The following EXT2 variants were observed in gnomAD, a reference collection of about 807,000 sequenced individuals.
EXT2 encodes exostosin glycosyltransferase 2.
Under a neutral mutation model 81.6 loss-of-function variants are expected in EXT2, and 53 were observed. That is an observed-to-expected ratio of 0.65 (90% confidence interval 0.52 to 0.82). The LOEUF is 0.82. Ranked by LOEUF, EXT2 falls within the 40% of genes least tolerant of loss-of-function variation. The pLI is 0.00. For missense variants in EXT2, 774 were observed against 910.2 expected (o/e 0.85, Z 1.93); for synonymous variants, 320 against 340.0 (o/e 0.94, Z 0.65).
intron 10 of EXT2, among the ~76,000 whole-genome samples, chr11:44,230,599 A>G (rs1300936532): frequency 6.6e-6 from 1 of 152,188 alleles, no homozygotes; most frequent in Non-Finnish European, 1.5e-5. Context: ...ACAGGGGGGA[A>G]GATGGCCTTG....
intron 13 of EXT2, among the ~76,000 whole-genome samples, chr11:44,238,385 T>A (rs1299069835): frequency 6.6e-6 from 1 of 152,156 alleles, no homozygotes; most frequent in East Asian, 1.9e-4. Context: ...TCTCAACATG[T>A]TACTCAGCCT....
chr11:44,129,912 C>T, intron 6 of EXT2, 133 bp from the exon 7 acceptor site: 1 of 739,144 alleles, frequency 1.4e-6, no homozygotes, highest in South Asian at 1.5e-5. Context: ...AGAGATAATA[C>T]TTACCGGAAG....
chr11:44,200,166 G>A (rs575614221), intron 9 of EXT2, among the ~76,000 whole-genome samples: 8 of 149,038 alleles, frequency 5.4e-5, no homozygotes, highest in African/African-American at 1.7e-4. Context: ...AAAAAAAAAA[G>A]CAAGTCCAAG....
At chr11:44,128,682 A>G (rs183214074) in intron 6 of EXT2, among the ~76,000 whole-genome samples, 43 of 152,282 alleles carry the variant, frequency 2.8e-4, no homozygotes, top group East Asian at 1.5e-3. Flanking sequence ...GGGTATTTCT[A>G]TGAGAATCTA....
At position 44,244,855 on chromosome 11, in the gene EXT2, G is replaced by A. The variant is rs1424678442; in HGVS notation, c.*568G>A. On this transcript the variant is annotated 3_prime_UTR_variant, in exon 14 of 14. Coordinates refer to ENST00000533608, the MANE Select transcript of EXT2 (RefSeq NM_207122.2). ...AGGAAGAGCACCAGCCGCTGAGTCA[G>A]GATCCTGTCAGTTCCATGAGCTATT... The A allele has an allele frequency of 4.2e-6, 1 of 238,124 alleles. No homozygotes were observed. Among genetic ancestry groups the A allele is most frequent in the South Asian group, 1.6e-4 (1 of 6,084 alleles). The allele number at this position is 238,124 out of a possible 1,614,324, so 14.8% of individuals were successfully genotyped here.
chr11:44,120,621 T>C (rs1480214795), intron 4 of EXT2, among the ~76,000 whole-genome samples: 2 of 152,264 alleles, frequency 1.3e-5, no homozygotes, highest in African/African-American at 2.4e-5. Context: ...TTTGGGTTTG[T>C]TGATCCTTGT....
At chr11:44,099,256 GT>G in intron 1 of EXT2, among the ~76,000 whole-genome samples, 1 of 152,078 alleles carries the variant, frequency 6.6e-6, no homozygotes, top group South Asian at 2.1e-4. Flanking sequence ...CGCGATCTCG[GT>G]TCACTGCAAG....
At chr11:44,108,957 A>G (rs1245680927) in intron 2 of EXT2, among the ~76,000 whole-genome samples, 1 of 152,102 alleles carries the variant, frequency 6.6e-6, no homozygotes. Context: ...TCAACTTTTC[A>G]TTATTAGAAG....
intron 13 of EXT2, among the ~76,000 whole-genome samples, chr11:44,241,476 C>A (rs780056729): frequency 2.0e-5 from 3 of 152,160 alleles, no homozygotes; most frequent in Non-Finnish European, 4.4e-5. Flanking sequence ...TATTGAGCAT[C>A]TTTATACCCA....
Position 44,114,265 on chromosome 11 carries a change from T to C in EXT2, c.707T>C (p.Leu236Pro), listed in dbSNP as rs1954189388. The C allele has an allele frequency of 4.3e-6, 7 of 1,614,066 alleles. No individual in the cohort carries two copies. Among genetic ancestry groups the C allele is most frequent in the South Asian group, 3.3e-5 (3 of 91,076 alleles). The change falls in exon 4 of 14, where the codon CTG becomes CCG. Residue 236 changes from leucine to proline, a missense_variant. This residue lies in a region of EXT2 where 626 missense variants were observed against 670.5 expected (regional missense o/e 0.93). Transcript: ENST00000533608. ...GTCAGCATTCCTGTCTATAGTCCAC[T>C]GTCAGCTGAGGTGGATCTTCCAGAG... ...YDVSIPVYSP[L>P]SAEVDLPEKG...
Position 44,250,316 on chromosome 11 carries a change from T to A in EXT2, c.*6029T>A, listed in dbSNP as rs1271564774. On this transcript the variant is annotated 3_prime_UTR_variant, in exon 14 of 14. Coordinates refer to ENST00000533608, the MANE Select transcript of EXT2 (RefSeq NM_207122.2). ...AATGTATGGAGGATGCAAGAAGCTT[T>A]AAAATGTCCTTTTCTCACAGTGACT... 5.9e-5 allele frequency among the ~76,000 whole-genome samples: 9 copies of A among 152,202 alleles called. No homozygotes were observed. In the East Asian group the frequency reaches 1.7e-3, roughly 29 times the overall value.
chr11:44,219,061 A>G (rs543063594), intron 10 of EXT2, among the ~76,000 whole-genome samples: 1 of 152,190 alleles, frequency 6.6e-6, no homozygotes, highest in Admixed American at 6.5e-5. Context: ...TCGGCCTCCC[A>G]AAGTGCTGGG....
At chr11:44,236,560 A>G (rs906898441) in intron 13 of EXT2, among the ~76,000 whole-genome samples, 185 bp downstream of exon 13, 12 of 152,164 alleles carry the variant, frequency 7.9e-5, no homozygotes, top group Non-Finnish European at 1.2e-4. Flanking sequence ...TTGGAATGCT[A>G]CTCACTCAAT....
intron 3 of EXT2, among the ~76,000 whole-genome samples, chr11:44,113,104 G>T (rs755107329): frequency 6.6e-6 from 1 of 152,178 alleles, no homozygotes; most frequent in South Asian, 2.1e-4. Context: ...AGAGTAGACC[G>T]GCAGCTGGAG....
chr11:44,145,533 G>C (rs1018088712), intron 7 of EXT2, among the ~76,000 whole-genome samples: 1 of 152,102 alleles, frequency 6.6e-6, no homozygotes. Flanking sequence ...CATTTCACAA[G>C]TTGCAAAGGG....
In EXT2 at chr11:44,247,441, AG is replaced by A. The variant is rs11368755; in HGVS notation, c.*3157del. Among the ~76,000 whole-genome samples the A allele has an allele frequency of 9.2e-5, 14 of 152,022 alleles. No individual in the cohort carries two copies. Among genetic ancestry groups the A allele is most frequent in the Non-Finnish European group, 1.6e-4 (11 of 68,002 alleles). On this transcript the variant is annotated 3_prime_UTR_variant, in exon 14 of 14. Coordinates refer to ENST00000533608, the MANE Select transcript of EXT2 (RefSeq NM_207122.2). ...ATTTGTTTGTAATTTTAGTAGAGGCAGGGTTTCACCACGTTAGCCAGGCTGG... is the reference window on the plus strand; with the variant it reads ...ATTTGTTTGTAATTTTAGTAGAGGCAGGTTTCACCACGTTAGCCAGGCTGG...
In EXT2 at chr11:44,220,415, T is replaced by G. The variant is rs1955769252; in HGVS notation, c.1663-11938T>G. Among the ~76,000 whole-genome samples, 1 of 152,206 alleles carries G rather than the reference T, an allele frequency of 6.6e-6. No individual in the cohort carries two copies. Among genetic ancestry groups the G allele is most frequent in the African/African-American group, 2.4e-5 (1 of 41,442 alleles). ...AGTACAGTATTGAAAAGAGCATATC[T>G]CTGTCTGTTACCTCCATTTTTCACT... On this transcript the variant is annotated intron_variant, in intron 10 of 13. Transcript: ENST00000533608. The surrounding 1 kb of genome is among the most constrained non-coding windows in gnomAD (Gnocchi z 4.4).
chr11:44,200,422 A>T (rs1412175550), intron 9 of EXT2, among the ~76,000 whole-genome samples: 1 of 152,080 alleles, frequency 6.6e-6, no homozygotes, highest in Non-Finnish European at 1.5e-5. Context: ...TGAAATTTCC[A>T]GTGAGCTTTC....
chr11:44,170,170 G>C (rs886241160), intron 7 of EXT2, among the ~76,000 whole-genome samples: 1 of 152,040 alleles, frequency 6.6e-6, no homozygotes, highest in African/African-American at 2.4e-5. Flanking sequence ...CCACAGCGCA[G>C]TCAAAGTGCA....
Sources: gnomAD v4.1 joint callset for allele counts (sites outside exome capture counted in the v4.1 genomes callset) on GRCh38, gnomAD v4.1.1 for gene constraint, gnomAD v4.1.1 regional missense constraint, Gnocchi (gnomAD v3.1) non-coding constraint, MANE v1.5 for transcripts, NCBI Gene and HGNC (gene_info 2026-07-23, HGNC 2026-07-21) for gene names.